VPS13B: variants seen among roughly 807,000 people sequenced by gnomAD.
The protein encoded by VPS13B is vacuolar protein sorting 13 homolog B.
A neutral mutation model predicts 426.4 loss-of-function variants in VPS13B; 285 were observed. The observed-to-expected ratio is 0.67, with a 90% confidence interval of 0.61 to 0.74. The LOEUF (loss-of-function observed/expected upper bound fraction) is 0.74. VPS13B is among the 30% of genes least tolerant of loss of function. VPS13B has a pLI of 0.00. For synonymous variants in VPS13B, 1,676 were observed against 1,676.4 expected, an observed-to-expected ratio of 1.00 and a Z score of 0.01; for missense variants, 4,537 against 4,782.6, an observed-to-expected ratio of 0.95 and a Z score of 1.51.
chr8:99,684,135 C>T (rs777616452), intron 35 of VPS13B, among the ~76,000 whole-genome samples: 1 of 152,160 alleles, frequency 6.6e-6, no homozygotes, highest in East Asian at 1.9e-4. Flanking sequence ...TTGATCAAGG[C>T]TTATAGTCCT....
At chr8:99,628,684 G>A (rs1481582167) in intron 33 of VPS13B, among the ~76,000 whole-genome samples, 1 of 151,922 alleles carries the variant, frequency 6.6e-6, no homozygotes, top group Admixed American at 6.6e-5. Context: ...ATAAGGTTCC[G>A]AGACAAACTA....
chr8:99,825,681 T>G (rs928369502), intron 51 of VPS13B, among the ~76,000 whole-genome samples: 2 of 152,250 alleles, frequency 1.3e-5, no homozygotes, highest in Non-Finnish European at 2.9e-5. Context: ...CTAGGTTTTC[T>G]TCTAGGCTTT....
At chr8:99,731,449 G>A (rs774857996) in intron 39 of VPS13B, among the ~76,000 whole-genome samples, 6 of 152,104 alleles carry the variant, frequency 3.9e-5, no homozygotes, top group Admixed American at 1.3e-4. Flanking sequence ...TCAGTTTGTC[G>A]ATTTCATAAT....
At chr8:99,698,650 A>G (rs142240644) in intron 35 of VPS13B, among the ~76,000 whole-genome samples, 2 of 152,326 alleles carry the variant, frequency 1.3e-5, no homozygotes, top group East Asian at 3.9e-4. Context: ...AGCACTTGTT[A>G]GGGTCAGTTA....
intron 23 of VPS13B, among the ~76,000 whole-genome samples, chr8:99,454,832 G>A (rs1818370281): frequency 6.6e-6 from 1 of 152,288 alleles, no homozygotes; most frequent in African/African-American, 2.4e-5. Flanking sequence ...TGATAGGTAT[G>A]TAGTGGTATC....
intron 19 of VPS13B, among the ~76,000 whole-genome samples, chr8:99,383,360 A>T (rs1813935290): frequency 6.6e-6 from 1 of 152,090 alleles, no homozygotes; most frequent in African/African-American, 2.4e-5. Context: ...TATAATGAAA[A>T]AGTTATTTAG....
intron 35 of VPS13B, among the ~76,000 whole-genome samples, chr8:99,666,242 G>C (rs1417759047): frequency 6.6e-6 from 1 of 152,096 alleles, no homozygotes; most frequent in Non-Finnish European, 1.5e-5. Context: ...AGGAGGAGCT[G>C]GTACCATTCC....
intron 3 of VPS13B, among the ~76,000 whole-genome samples, chr8:99,095,878 A>G (rs1846387764): frequency 6.6e-6 from 1 of 152,284 alleles, no homozygotes; most frequent in South Asian, 2.1e-4. Flanking sequence ...TTAATCATTA[A>G]AGATGACCAA....
chr8:99,207,965 G>A lies in VPS13B; in HGVS notation c.2515+14908G>A, dbSNP rs953891871. 4.6e-5 allele frequency among the ~76,000 whole-genome samples: 7 copies of A among 152,134 alleles called. No homozygotes were observed. In the East Asian group the frequency reaches 7.7e-4, roughly 17 times the overall value. ...GTCACCTATTACAAGATCAAGTATGGCTTTAAAAATGGACAAGAGTTAATT... is the reference window on the plus strand; with the variant it reads ...GTCACCTATTACAAGATCAAGTATGACTTTAAAAATGGACAAGAGTTAATT... On this transcript the variant is annotated intron_variant, in intron 17 of 61. Coordinates refer to ENST00000357162, the MANE Select transcript of VPS13B (RefSeq NM_152564.5).
chr8:99,074,244 T>G (rs1036268620), intron 3 of VPS13B, among the ~76,000 whole-genome samples: 1 of 152,196 alleles, frequency 6.6e-6, no homozygotes, highest in African/African-American at 2.4e-5. Context: ...ATCCCTAATA[T>G]GTTGGGAGGT....
chr8:99,592,661 C>G (rs1328761716), intron 33 of VPS13B, among the ~76,000 whole-genome samples: 1 of 152,132 alleles, frequency 6.6e-6, no homozygotes, highest in African/African-American at 2.4e-5. Context: ...AGACTTCAAA[C>G]TATGCTATAA....
intron 16 of VPS13B, among the ~76,000 whole-genome samples, chr8:99,173,361 A>G (rs1041171644): frequency 6.6e-6 from 1 of 152,096 alleles, no homozygotes. Context: ...ACCAGGGTAA[A>G]TTCTTTTAGT....
chr8:99,155,120 A>G (rs1811289562), intron 14 of VPS13B, among the ~76,000 whole-genome samples: 1 of 152,092 alleles, frequency 6.6e-6, no homozygotes, highest in Admixed American at 6.5e-5. Context: ...ATGTAAGGAT[A>G]CAGGTTTGAA....
chr8:99,447,722 AT>A (rs1416973869), intron 23 of VPS13B, among the ~76,000 whole-genome samples: 2 of 152,164 alleles, frequency 1.3e-5, no homozygotes, highest in Non-Finnish European at 2.9e-5. Context: ...AAAACATTAT[AT>A]AAATTTTATA....
chr8:99,737,421 C>T (rs1833889508), intron 39 of VPS13B, among the ~76,000 whole-genome samples: 1 of 152,082 alleles, frequency 6.6e-6, no homozygotes, highest in African/African-American at 2.4e-5. Flanking sequence ...TAAATTTTTC[C>T]AGTCTGTAGA....
At chr8:99,353,080 C>T (rs528898836) in intron 19 of VPS13B, among the ~76,000 whole-genome samples, 194 of 152,012 alleles carry the variant, frequency 1.3e-3, no homozygotes, top group African/African-American at 4.6e-3. Context: ...CTCCTAGATT[C>T]AAGCAATTCT....
At chr8:99,278,109 A>G (rs1048540839) in intron 19 of VPS13B, among the ~76,000 whole-genome samples, 5 of 152,082 alleles carry the variant, frequency 3.3e-5, no homozygotes, top group African/African-American at 9.7e-5. Context: ...AACTTTTCCC[A>G]TGGTCTTATA....
At chr8:99,097,019 T>C (rs1846464487) in intron 4 of VPS13B, among the ~76,000 whole-genome samples, 1 of 152,180 alleles carries the variant, frequency 6.6e-6, no homozygotes, top group Non-Finnish European at 1.5e-5. Flanking sequence ...ACCTATCTGC[T>C]TCTTAATATC....
Position 99,823,323 on chromosome 8 carries a change from G to A in VPS13B, c.9184-509G>A, listed in dbSNP as rs531908514. 7.8e-4 allele frequency among the ~76,000 whole-genome samples: 119 copies of A among 152,194 alleles called. 2 individuals carry two copies. The South Asian group carries it at 0.025, about 31-fold the overall frequency. On this transcript the variant is annotated intron_variant, in intron 50 of 61. Transcript: ENST00000357162. ...TATGTATACAGCACTTGAAACTAGT[G>A]GAACACAATATTGCAATATATGAAG... is the stretch of plus-strand genomic sequence containing the variant.
Sources: allele counts gnomAD v4.1 joint callset (sites outside exome capture counted in the v4.1 genomes callset), GRCh38; gene constraint gnomAD v4.1.1; transcripts MANE v1.5; gene names NCBI Gene and HGNC (gene_info 2026-07-23, HGNC 2026-07-21).